CCDC60: variants seen among roughly 807,000 people sequenced by gnomAD.
CCDC60 encodes the protein coiled-coil domain-containing protein 60.
A neutral mutation model predicts 63.5 loss-of-function variants in CCDC60; 54 were observed. That is an observed-to-expected ratio of 0.85 (90% confidence interval 0.68 to 1.07). The LOEUF is 1.07. Ranked by LOEUF, CCDC60 falls within the 50% of genes least tolerant of loss-of-function variation. The pLI, the probability that CCDC60 is intolerant of heterozygous loss-of-function variation, is 0.00. For missense variants in CCDC60, 651 were observed against 684.3 expected, an observed-to-expected ratio of 0.95 and a Z score of 0.54; for synonymous variants, 206 against 238.8, an observed-to-expected ratio of 0.86 and a Z score of 1.27.
At chr12:119,423,552 C>CT (rs1268071812) in intron 1 of CCDC60, among the ~76,000 whole-genome samples, 2 of 152,162 alleles carry the variant, frequency 1.3e-5, no homozygotes, top group African/African-American at 4.8e-5. Flanking sequence ...CATTTCATCC[C>CT]TTCTCTCATT....
At chr12:119,405,351 T>C (rs2136186159) in intron 1 of CCDC60, among the ~76,000 whole-genome samples, 1 of 152,378 alleles carries the variant, frequency 6.6e-6, no homozygotes, top group South Asian at 2.1e-4. Context: ...TTGAATTTCC[T>C]GAGGTTGCTA....
At chr12:119,431,671 T>TTGTC (rs747039334) in intron 2 of CCDC60, among the ~76,000 whole-genome samples, 4 of 150,870 alleles carry the variant, frequency 2.7e-5, no homozygotes, top group Non-Finnish European at 4.4e-5. Flanking sequence ...GTGTTTGTGT[T>TTGTC]TGTTTGTTTG....
intron 5 of CCDC60, among the ~76,000 whole-genome samples, chr12:119,497,831 T>C (rs951681007): frequency 9.9e-5 from 15 of 152,200 alleles, no homozygotes; most frequent in Non-Finnish European, 1.9e-4. Flanking sequence ...ATATTGTTTA[T>C]AGGACTGAAG....
Position 119,516,645 on chromosome 12 carries a change from G to A in CCDC60, c.906G>A (p.Met302Ile). 1.2e-6 allele frequency: 2 copies of A among 1,613,830 alleles called. No individual in the cohort carries two copies. The highest frequency in any genetic ancestry group is 1.1e-5 in the South Asian group (1 of 91,076). The change falls in exon 8 of 14, where the codon ATG becomes ATA. Residue 302 changes from methionine (M) to isoleucine (I), a missense_variant. Physicochemically the swap from Met to Ile is conservative, Grantham distance 10 (BLOSUM62 1). Coordinates refer to ENST00000327554, the MANE Select transcript of CCDC60 (RefSeq NM_178499.5). ...LYMNLQKLLE[M>I]VREDARRTVT... The stretch of plus-strand genomic sequence containing the variant: ...CAGATCTGCAGAAGCTCCTGGAGAT[G>A]GTTCGGGAAGATGCCCGGAGGACAG...
chr12:119,407,533 A>T (rs1201648590), intron 1 of CCDC60, among the ~76,000 whole-genome samples: 1 of 152,136 alleles, frequency 6.6e-6, no homozygotes, highest in Non-Finnish European at 1.5e-5. Flanking sequence ...CCCTGTCTCA[A>T]AAATAAATTA....
intron 1 of CCDC60, among the ~76,000 whole-genome samples, chr12:119,391,880 A>G (rs1348677311): frequency 6.6e-6 from 1 of 152,120 alleles, no homozygotes; most frequent in Non-Finnish European, 1.5e-5. Context: ...GTCCCGCAGC[A>G]TACCAGTGAG....
chr12:119,400,472 A>G (rs1714880971), intron 1 of CCDC60, among the ~76,000 whole-genome samples: 1 of 152,238 alleles, frequency 6.6e-6, no homozygotes, highest in Non-Finnish European at 1.5e-5. Flanking sequence ...GGAAACCAAC[A>G]TGTATTAAGC....
intron 1 of CCDC60, among the ~76,000 whole-genome samples, chr12:119,405,722 T>C (rs540828605): frequency 6.6e-6 from 1 of 152,360 alleles, no homozygotes; most frequent in Non-Finnish European, 1.5e-5. Flanking sequence ...GTTTTACGTG[T>C]ATTTCTTAGT....
chr12:119,528,898 G>A (rs1002722768), intron 12 of CCDC60, 152 bp downstream of exon 12: 4 of 739,504 alleles, frequency 5.4e-6, no homozygotes, highest in Non-Finnish European at 8.3e-6. Flanking sequence ...CCACCCCCCA[G>A]AAACACTAAA....
chr12:119,522,967 A>T lies in CCDC60; in HGVS notation c.1069A>T (p.Ser357Cys). ...SERSSSTSAE[S>C]HIQPVQKKSK... is the part of the protein sequence containing the mutation. Reference sequence around the variant, plus strand: ...GAGATCCAGCAGTACAAGTGCAGAAAGCCACATCCAACCAGTCCAGAAGAA... The same window carrying T: ...GAGATCCAGCAGTACAAGTGCAGAATGCCACATCCAACCAGTCCAGAAGAA... The change falls in exon 10 of 14, where the codon AGC becomes TGC. Residue 357 changes from serine to cysteine, a missense_variant. By Grantham distance (112) the Ser-to-Cys change is moderately radical (BLOSUM62 -1). Coordinates refer to ENST00000327554, the MANE Select transcript of CCDC60 (RefSeq NM_178499.5). The T allele has an allele frequency of 1.9e-6, 3 of 1,614,222 alleles. No individual in the cohort carries two copies. Among genetic ancestry groups the T allele is most frequent in the Non-Finnish European group, 2.5e-6 (3 of 1,180,032 alleles).
rs577878181 is a variant in CCDC60 at position 119,488,844 on chromosome 12, G to T, written c.535G>T (p.Val179Leu). Reference protein sequence around the residue: ...IDHTHHTMKPVITCWNPKDPG... With the variant: ...IDHTHHTMKPLITCWNPKDPG... ...CCACACCCACCACACCATGAAGCCT[G>T]TGATCACCTGCTGGAACCCAAAGTA... is the stretch of plus-strand genomic sequence containing the variant. The change falls in exon 5 of 14, where the codon GTG becomes TTG. Residue 179 changes from valine to leucine, a missense_variant. Transcript: ENST00000327554. The T allele has an allele frequency of 1.5e-5, 24 of 1,614,186 alleles. No individual in the cohort carries two copies. The African/African-American group carries it at 3.2e-4, about 22-fold the overall frequency.
At chr12:119,466,909 A>T (rs1372382615) in intron 2 of CCDC60, among the ~76,000 whole-genome samples, 2 of 152,218 alleles carry the variant, frequency 1.3e-5, no homozygotes, top group Non-Finnish European at 2.9e-5. Context: ...GACAGGGAAG[A>T]AGCACCTTTC....
intron 2 of CCDC60, among the ~76,000 whole-genome samples, chr12:119,466,231 C>A (rs1470665619): frequency 6.6e-6 from 1 of 152,168 alleles, no homozygotes; most frequent in Non-Finnish European, 1.5e-5. Flanking sequence ...CTGCTCTGTT[C>A]CTCCATAGCA....
chr12:119,417,833 A>C (rs754846210), intron 1 of CCDC60, among the ~76,000 whole-genome samples: 1 of 152,098 alleles, frequency 6.6e-6, no homozygotes, highest in Non-Finnish European at 1.5e-5. Flanking sequence ...AACTTCATCC[A>C]AGCTCCCACC....
chr12:119,377,275 A>AAAAAG (rs1292941099), intron 1 of CCDC60, among the ~76,000 whole-genome samples: 24 of 134,880 alleles, frequency 1.8e-4, no homozygotes, highest in Admixed American at 3.3e-4. Context: ...AAAAAAAAAA[A>AAAAAG]AAAAGAAAAA....
intron 8 of CCDC60, among the ~76,000 whole-genome samples, chr12:119,519,420 T>TGTGTGTGTGCGCGC (rs1952442368): frequency 7.2e-6 from 1 of 139,562 alleles, no homozygotes; most frequent in African/African-American, 2.8e-5. Flanking sequence ...TGTGTGTGTG[T>TGTGTGTGTGCGCGC]GTGTGTGTGT....
chr12:119,403,005 G>A (rs1192660807), intron 1 of CCDC60, among the ~76,000 whole-genome samples: 1 of 152,196 alleles, frequency 6.6e-6, no homozygotes, highest in Admixed American at 6.5e-5. Context: ...GGAATAATGA[G>A]TTCCAAGTGT....
chr12:119,398,479 G>T (rs1405381008), intron 1 of CCDC60, among the ~76,000 whole-genome samples: 1 of 152,196 alleles, frequency 6.6e-6, no homozygotes, highest in East Asian at 1.9e-4. Context: ...CCCTGAGAGG[G>T]GCTCCCACAG....
intron 7 of CCDC60, among the ~76,000 whole-genome samples, chr12:119,509,483 A>C (rs1220933926): frequency 6.6e-6 from 1 of 152,130 alleles, no homozygotes; most frequent in Non-Finnish European, 1.5e-5. Flanking sequence ...TGGGCCTGCA[A>C]CCCTGAATGA....
Sources: gnomAD v4.1 joint callset for allele counts (sites outside exome capture counted in the v4.1 genomes callset) on GRCh38, gnomAD v4.1.1 for gene constraint, MANE v1.5 for transcripts, NCBI Gene and HGNC (gene_info 2026-07-23, HGNC 2026-07-21) for gene names.